The following PTPRO variants were observed in gnomAD, a reference collection of about 807,000 sequenced individuals.
PTPRO encodes the protein receptor-type tyrosine-protein phosphatase O.
In PTPRO, 62 loss-of-function variants were observed where a neutral mutation model predicts 145.2. That is an observed-to-expected ratio of 0.43 (90% CI 0.35 to 0.53). The LOEUF is 0.53. Among genes scored for constraint, PTPRO ranks in the 20% least tolerant of loss-of-function variants. The pLI is 0.01. For synonymous variants in PTPRO, 565 were observed against 514.7 expected, an observed-to-expected ratio of 1.10 and a Z score of -1.32; for missense variants, 1,345 against 1,482.7, an observed-to-expected ratio of 0.91 and a Z score of 1.53.
intron 1 of PTPRO, among the ~76,000 whole-genome samples, chr12:15,386,200 C>A: frequency 6.6e-6 from 1 of 151,988 alleles, no homozygotes; most frequent in East Asian, 1.9e-4. Flanking sequence ...ACAGAAACAA[C>A]AAGGAACATA....
At chr12:15,433,188 T>C (rs1940496318) in intron 1 of PTPRO, among the ~76,000 whole-genome samples, 1 of 147,054 alleles carries the variant, frequency 6.8e-6, no homozygotes, top group Non-Finnish European at 1.5e-5. Context: ...TTTTTTTTTT[T>C]TTCTGAGGTG....
chr12:15,389,249 G>C (rs1466449820), intron 1 of PTPRO, among the ~76,000 whole-genome samples: 1 of 151,738 alleles, frequency 6.6e-6, no homozygotes, highest in Non-Finnish European at 1.5e-5. Flanking sequence ...GACTACAGGC[G>C]CCCGCCACCA....
chr12:15,382,107 T>C lies in PTPRO; in HGVS notation c.75+59306T>C, dbSNP rs1274108016. ...GCCATTATTTTATTCAAGAGTATAATTTCAGGGAAGTAGGAGGAAGGAAAA... is the reference window on the plus strand; with the variant it reads ...GCCATTATTTTATTCAAGAGTATAACTTCAGGGAAGTAGGAGGAAGGAAAA... On this transcript the variant is annotated intron_variant, in intron 1 of 26. Transcript: ENST00000281171. 2.0e-5 allele frequency among the ~76,000 whole-genome samples: 3 copies of C among 150,550 alleles called. No homozygotes were observed. The East Asian group carries it at 5.8e-4, about 29-fold the overall frequency.
At chr12:15,584,653 A>G (rs1275795361) in intron 23 of PTPRO, among the ~76,000 whole-genome samples, 2 of 152,240 alleles carry the variant, frequency 1.3e-5, no homozygotes, top group Non-Finnish European at 2.9e-5. Context: ...GGCCATAAGC[A>G]TAATGAATCT....
chr12:15,344,039 G>A (rs886289342), intron 1 of PTPRO, among the ~76,000 whole-genome samples: 3 of 152,174 alleles, frequency 2.0e-5, no homozygotes, highest in East Asian at 1.9e-4. Flanking sequence ...CATATCCTAC[G>A]TTGAACGAGA....
chr12:15,485,980 G>A (rs118135416), intron 2 of PTPRO, among the ~76,000 whole-genome samples: 2,905 of 152,140 alleles, frequency 0.019, 50 homozygotes, highest in Non-Finnish European at 0.028. Flanking sequence ...TTTGTTTTAT[G>A]GGTCCAAATA....
intron 7 of PTPRO, among the ~76,000 whole-genome samples, chr12:15,514,474 G>GAAAGAACAGT (rs1555171715): frequency 0.059 from 7,644 of 129,030 alleles, 766 homozygotes; most frequent in African/African-American, 0.21. Context: ...AAAAAAAAAA[G>GAAAGAACAGT]AAAGAACAGT....
intron 1 of PTPRO, among the ~76,000 whole-genome samples, chr12:15,351,503 T>C (rs923061170): frequency 1.1e-4 from 17 of 152,104 alleles, no homozygotes; most frequent in African/African-American, 4.1e-4. Flanking sequence ...AAAGATTATA[T>C]GGAACAGGGA....
intron 1 of PTPRO, among the ~76,000 whole-genome samples, chr12:15,330,244 A>G (rs1286275502): frequency 1.3e-5 from 2 of 152,236 alleles, no homozygotes; most frequent in African/African-American, 2.4e-5. Flanking sequence ...AAGAGACGAC[A>G]AACACTGGCA....
At chr12:15,557,971 T>A (rs1037694217) in intron 16 of PTPRO, among the ~76,000 whole-genome samples, 26 of 152,242 alleles carry the variant, frequency 1.7e-4, no homozygotes, top group African/African-American at 5.8e-4. Context: ...ATCTCCCTCT[T>A]TCGTCACCCG....
intron 1 of PTPRO, among the ~76,000 whole-genome samples, chr12:15,434,991 T>C (rs767877752): frequency 5.3e-5 from 8 of 152,186 alleles, no homozygotes; most frequent in Non-Finnish European, 1.2e-4. Flanking sequence ...CAGGGCGTAG[T>C]CCTAACTCCT....
chr12:15,474,746 T>C (rs1443897208), intron 1 of PTPRO, among the ~76,000 whole-genome samples: 1 of 152,240 alleles, frequency 6.6e-6, no homozygotes, highest in African/African-American at 2.4e-5. Flanking sequence ...TCAGTTTCTA[T>C]TACTTTTAAC....
In PTPRO at chr12:15,594,985, A is replaced by C. The variant is rs764339259; in HGVS notation, c.3595A>C (p.Lys1199Gln). 1.9e-6 allele frequency: 3 copies of C among 1,613,944 alleles called. No homozygotes were observed. The Admixed American group carries it at 5.0e-5, about 27-fold the overall frequency. The change falls in exon 26 of 27, where the codon AAG (lysine) becomes CAG (glutamine). Residue 1199 changes from lysine to glutamine, a missense_variant. Around this residue, in one of 3 missense-constraint regions of PTPRO, gnomAD observed 208 missense variants for 242.8 expected, o/e 0.86. Coordinates refer to ENST00000281171, the MANE Select transcript of PTPRO (RefSeq NM_030667.3). ...GTGTGTGCAACTGATGTGGATGAAGAAGAAGCAGCAGTTCTGCATCAGTGA... is the reference window on the plus strand; with the variant it reads ...GTGTGTGCAACTGATGTGGATGAAGCAGAAGCAGCAGTTCTGCATCAGTGA... ...HQCVQLMWMK[K>Q]KQQFCISDVI...
intron 2 of PTPRO, among the ~76,000 whole-genome samples, chr12:15,492,652 A>T (rs1040349861): frequency 6.6e-6 from 1 of 152,196 alleles, no homozygotes; most frequent in Non-Finnish European, 1.5e-5. Context: ...TTAATGCATC[A>T]AACTAGGTAA....
At chr12:15,452,880 G>A (rs1941081729) in intron 1 of PTPRO, among the ~76,000 whole-genome samples, 1 of 151,974 alleles carries the variant, frequency 6.6e-6, no homozygotes, top group Non-Finnish European at 1.5e-5. Context: ...ACTCTTTTCT[G>A]ACTCTTTAAT....
intron 1 of PTPRO, among the ~76,000 whole-genome samples, chr12:15,378,084 C>A (rs977463545): frequency 1.3e-5 from 2 of 151,512 alleles, no homozygotes; most frequent in African/African-American, 4.8e-5. Flanking sequence ...CCTTAAGAAC[C>A]TAGAAAAAGG....
intron 15 of PTPRO, 135 bp from the exon 16 acceptor site, chr12:15,557,320 G>C: frequency 1.2e-6 from 1 of 819,396 alleles, no homozygotes; most frequent in Non-Finnish European, 2.0e-6. Context: ...GTGAGCCACC[G>C]CACCTGGCCT....
At chr12:15,526,388 T>A in intron 12 of PTPRO, 126 bp downstream of exon 12, 1 of 1,274,712 alleles carries the variant, frequency 7.8e-7, no homozygotes, top group South Asian at 1.2e-5. Context: ...GAGTAGAAAA[T>A]AGACATTTGT....
chr12:15,385,618 C>A lies in PTPRO; in HGVS notation c.75+62817C>A, dbSNP rs138375872. Among the ~76,000 whole-genome samples, 420 of 152,106 alleles carry A rather than the reference C, an allele frequency of 2.8e-3. 3 individuals are homozygous for A. Among genetic ancestry groups the A allele is most frequent in the African/African-American group, 9.9e-3 (412 of 41,508 alleles). ...TCTGAGGTCAGGAGATCGAGACCAT[C>A]CTGGCTAACATGGTGAAACCCCATC... On this transcript the variant is annotated intron_variant, in intron 1 of 26. Coordinates refer to ENST00000281171, the MANE Select transcript of PTPRO (RefSeq NM_030667.3).
Sources: allele counts gnomAD v4.1 joint callset (sites outside exome capture counted in the v4.1 genomes callset), GRCh38; gene constraint gnomAD v4.1.1; regional missense constraint gnomAD v4.1.1; transcripts MANE v1.5; gene names NCBI Gene and HGNC (gene_info 2026-07-23, HGNC 2026-07-21).